Variants in HEXA observed in about 807,000 individuals in gnomAD.
HEXA encodes hexosaminidase subunit alpha, also known as beta-hexosaminidase subunit alpha.
A neutral mutation model predicts 73.3 loss-of-function variants in HEXA; 54 were observed. The ratio of observed to expected loss-of-function variants is 0.74; its 90% CI spans 0.59 to 0.92. The LOEUF (loss-of-function observed/expected upper bound fraction) is 0.92. Among genes scored for constraint, HEXA ranks in the 40% least tolerant of loss-of-function variants. The probability of loss-of-function intolerance (pLI) is 0.00; values close to 1 mark genes in which losing one functional copy is unlikely to be tolerated. For synonymous variants in HEXA, 230 were observed against 246.9 expected (o/e 0.93, Z 0.64); for missense variants, 649 against 653.0 (o/e 0.99, Z 0.07).
At chr15:72,345,661 A>C in intron 12 of HEXA, 111 bp from the exon 13 acceptor site, 2 of 1,541,694 alleles carry the variant, frequency 1.3e-6, no homozygotes, top group Non-Finnish European at 1.7e-6. Flanking sequence ...CTCAGGCCAA[A>C]GGAAGTGATC....
intron 8 of HEXA, 58 bp downstream of exon 8, chr15:72,349,021 C>A (rs1165745043): frequency 6.8e-7 from 1 of 1,466,198 alleles, no homozygotes; most frequent in East Asian, 2.3e-5. Flanking sequence ...CGGGTGCTAA[C>A]TTCTATTCTG....
At chr15:72,349,922 C>G (rs555497203) in intron 7 of HEXA, among the ~76,000 whole-genome samples, 229 of 152,240 alleles carry the variant, frequency 1.5e-3, no homozygotes, top group African/African-American at 5.3e-3. Flanking sequence ...TGCCACCACG[C>G]CTGGCTAATT....
intron 10 of HEXA, 101 bp downstream of exon 10, chr15:72,347,585 A>G: frequency 2.0e-6 from 2 of 982,412 alleles, no homozygotes; most frequent in Non-Finnish European, 1.6e-6. Context: ...TTAAAGCCCA[A>G]TCCAAACCAG....
chr15:72,341,114 G>A lies in HEXA; in HGVS notation c.*2963C>T, dbSNP rs2088551187. 6.6e-6 allele frequency: 1 copy of A among 152,040 alleles called. No individual in the cohort carries two copies. The highest frequency in any genetic ancestry group is 2.4e-5 in the African/African-American group (1 of 41,378). 9.4% of individuals were successfully genotyped at this position (152,040 alleles called of 1,614,324 possible). On this transcript the variant is annotated 3_prime_UTR_variant, in exon 14 of 14. Transcript: ENST00000268097. ...AAACTATACAAATCTAGAATTTAGA[G>A]TGCTAGGAATGTTGCCATAAGGTAT...
At position 72,346,633 on chromosome 15, in the gene HEXA, G is replaced by A. The variant is rs1176987852; in HGVS notation, c.1224C>T (p.Thr408=). 1 of 1,614,024 alleles carries A rather than the reference G, an allele frequency of 6.2e-7. No individual in the cohort carries two copies. The highest frequency in any genetic ancestry group is 1.7e-5 in the Admixed American group (1 of 60,022). ...AGAGAAGGGCCCGGAAGCCGGCCTT[G>A]GTGACCAGTTCCAGCTCCTTCATAT... ...VNYMKELELV[T]KAGFRALLSA... The change falls in exon 11 of 14, where the codon ACC becomes ACT. Residue 408 remains threonine (T), a synonymous_variant. Transcript: ENST00000268097.
chr15:72,350,042 A>T (rs2088674904), intron 7 of HEXA, among the ~76,000 whole-genome samples: 1 of 152,092 alleles, frequency 6.6e-6, no homozygotes, highest in Non-Finnish European at 1.5e-5. Flanking sequence ...GGGATTACAG[A>T]CATGAGCCAC....
intron 13 of HEXA, among the ~76,000 whole-genome samples, chr15:72,344,697 A>G (rs1317521767): frequency 1.3e-5 from 2 of 152,208 alleles, no homozygotes; most frequent in Non-Finnish European, 2.9e-5. Flanking sequence ...ACCAGCTGGA[A>G]GTTACCCAGT....
rs1270054051 is a variant in HEXA, at chr15:72,346,280, A to G, written c.1376T>C (p.Met459Thr). 2 of 1,614,070 alleles carry G rather than the reference A, an allele frequency of 1.2e-6. No individual in the cohort carries two copies. The highest frequency in any genetic ancestry group is 1.1e-5 in the South Asian group (1 of 91,076). The change falls in exon 12 of 14, where the codon ATG becomes ACG. Residue 459 changes from methionine to threonine, a missense_variant. Physicochemically the swap from Met to Thr is moderately conservative, Grantham distance 81 (BLOSUM62 -1). Transcript: ENST00000268097. ...KALVIGGEAC[M>T]WGEYVDNTNL... Reference sequence around the variant, plus strand: ...TGTGTTGTCCACATATTCTCCCCACATACAAGCCTCTCCACCAATCACCAG... The same window carrying G: ...TGTGTTGTCCACATATTCTCCCCACGTACAAGCCTCTCCACCAATCACCAG...
At position 72,347,758 on chromosome 15, in the gene HEXA, C is replaced by G. The variant is rs1330754060; in HGVS notation, c.1074G>C (p.Thr358=). 1.2e-6 allele frequency: 2 copies of G among 1,614,054 alleles called. No homozygotes were observed. Among genetic ancestry groups the G allele is most frequent in the South Asian group, 1.1e-5 (1 of 91,078 alleles). ...FKQLESFYIQ[T]LLDIVSSYGK... The stretch of plus-strand genomic sequence containing the variant: ...CATAAGAAGAGACGATGTCCAGCAG[C>G]CTGGAGAGGAGAGGAGTGTCTAGTA... Residue 358 remains threonine, a splice_region_variant and synonymous_variant, in exon 10 of 14, where the codon ACG becomes ACC. Coordinates refer to ENST00000268097, the MANE Select transcript of HEXA (RefSeq NM_000520.6).
intron 7 of HEXA, 21 bp downstream of exon 7, chr15:72,350,497 G>A (rs778770571): frequency 6.2e-7 from 1 of 1,613,276 alleles, no homozygotes; most frequent in Non-Finnish European, 8.5e-7. Context: ...GAGTCCCTCT[G>A]GTCCCAGACA....
At chr15:72,372,745 C>T (rs997253280) in intron 1 of HEXA, among the ~76,000 whole-genome samples, 1 of 152,212 alleles carries the variant, frequency 6.6e-6, no homozygotes, top group African/African-American at 2.4e-5. Flanking sequence ...CAAAATAGAA[C>T]TGAACCTCAA....
Position 72,350,637 on chromosome 15 carries a change from GGGTT to G in HEXA, c.682_685del (p.Asn228LeufsTer11). The stretch of plus-strand genomic sequence containing the variant: ...CTGTGCTGTGTAGATGTGGGTGACA[GGGTT>G]GTAGGACCCCTGAAAGGCACAAGAC... On this transcript the variant is annotated frameshift_variant, in exon 7 of 14. Transcript: ENST00000268097. LOFTEE classifies it high-confidence loss of function. The G allele has an allele frequency of 6.2e-7, 1 of 1,613,912 alleles. No individual in the cohort carries two copies. The highest frequency in any genetic ancestry group is 8.5e-7 in the Non-Finnish European group (1 of 1,179,968).
intron 2 of HEXA, 105 bp downstream of exon 2, chr15:72,356,420 A>C: frequency 8.0e-7 from 1 of 1,247,702 alleles, no homozygotes; most frequent in Non-Finnish European, 1.1e-6. Flanking sequence ...CCCAGGGTCA[A>C]GGGGGACTCC....
rs987036804 is a variant in HEXA, at chr15:72,375,818, G to A, written c.155C>T (p.Ser52Leu). Residue 52 changes from serine (S) to leucine (L), a missense_variant, in exon 1 of 14, where the codon TCG becomes TTG. Coordinates refer to ENST00000268097, the MANE Select transcript of HEXA (RefSeq NM_000520.6). ...NNFQFQYDVSSAAQPGCSVLD... is the reference protein window; with the variant it reads ...NNFQFQYDVSLAAQPGCSVLD... ...GACTGAGCAGCCGGGCTGCGCGGCC[G>A]AGCTGACATCGTACTGGAATTGAAA... 3.1e-6 allele frequency: 5 copies of A among 1,614,148 alleles called. No individual in the cohort carries two copies. Among genetic ancestry groups the A allele is most frequent in the Middle Eastern group, 1.6e-4 (1 of 6,084 alleles).
intron 1 of HEXA, among the ~76,000 whole-genome samples, chr15:72,373,874 G>A (rs907568570): frequency 6.6e-6 from 1 of 151,850 alleles, no homozygotes; most frequent in East Asian, 1.9e-4. Flanking sequence ...TGGCAAGCAC[G>A]TGTAGTCCCA....
At chr15:72,361,891 A>C (rs1490644013) in intron 1 of HEXA, among the ~76,000 whole-genome samples, 2 of 152,208 alleles carry the variant, frequency 1.3e-5, no homozygotes, top group Non-Finnish European at 2.9e-5. Context: ...GGATGACTAT[A>C]AAAAATCTCC....
chr15:72,367,732 C>T (rs2140337663), intron 1 of HEXA, among the ~76,000 whole-genome samples: 1 of 152,338 alleles, frequency 6.6e-6, no homozygotes, highest in South Asian at 2.1e-4. Context: ...TTGTGTACTT[C>T]AGCTAGACAC....
At chr15:72,370,725 A>G (rs2088980809) in intron 1 of HEXA, 2 of 383,480 alleles carry the variant, frequency 5.2e-6, no homozygotes, top group Admixed American at 4.5e-5. Context: ...AAAGAAAAGA[A>G]AAAAACAGGG....
intron 12 of HEXA, chr15:72,346,010 C>T (rs1268289650): frequency 1.7e-6 from 1 of 591,512 alleles, no homozygotes; most frequent in Admixed American, 3.0e-5. Context: ...GTAAGGTTAA[C>T]AATCCCTATC....
Sources: allele counts gnomAD v4.1 joint callset (sites outside exome capture counted in the v4.1 genomes callset), GRCh38; gene constraint gnomAD v4.1.1; transcripts MANE v1.5; gene names NCBI Gene and HGNC (gene_info 2026-07-23, HGNC 2026-07-21).